Variants in PHIP observed in about 807,000 individuals in gnomAD.
The protein encoded by PHIP is PHIP subunit of CUL4-Ring ligase complex, also known as PH-interacting protein.
A neutral mutation model predicts 236.8 loss-of-function variants in PHIP; 54 were observed. That is an observed-to-expected ratio of 0.23 (90% CI 0.18 to 0.29). The LOEUF (loss-of-function observed/expected upper bound fraction) is 0.29, where lower values mean the gene tolerates loss of function less well. Ranked by LOEUF, PHIP falls within the 10% of genes least tolerant of loss-of-function variation. PHIP has a pLI of 1.00. For synonymous variants in PHIP, 756 were observed against 718.9 expected (o/e 1.05, Z -0.83); for missense variants, 1,370 against 2,190.8 (o/e 0.63, Z 7.48).
In PHIP at chr6:78,978,708, A is replaced by T; in HGVS notation, c.2773T>A (p.Leu925Met). 1 of 1,594,062 alleles carries T rather than the reference A, an allele frequency of 6.3e-7. No homozygotes were observed. The highest frequency in any genetic ancestry group is 8.6e-7 in the Non-Finnish European group (1 of 1,166,274). The part of the protein sequence containing the change: ...KKPKERKQKR[L>M]AVGELTENGL... ...TTTTCAGTTAGTTCTCCCACAGCCA[A>T]TCTCTGACAAAATTTAAGTAATAAT... Residue 925 changes from leucine (L) to methionine (M), a missense_variant, in exon 24 of 40, where the codon TTG (leucine) becomes ATG (methionine). Around this residue, in one of 14 missense-constraint regions of PHIP, gnomAD observed 76 missense variants for 76.4 expected, o/e 0.99. Transcript: ENST00000275034.
At chr6:79,063,021 T>C (rs1582309718) in intron 4 of PHIP, among the ~76,000 whole-genome samples, 1 of 152,194 alleles carries the variant, frequency 6.6e-6, no homozygotes, top group Non-Finnish European at 1.5e-5. Flanking sequence ...TTAATTGTTC[T>C]TAATATATTT....
intron 13 of PHIP, 55 bp downstream of exon 13, chr6:79,016,489 A>G: frequency 8.9e-7 from 1 of 1,129,652 alleles, no homozygotes; most frequent in Middle Eastern, 2.0e-4. Flanking sequence ...AACCTGCACT[A>G]TAACATACTT....
intron 23 of PHIP, among the ~76,000 whole-genome samples, chr6:78,979,560 A>G (rs894051924): frequency 2.0e-5 from 3 of 152,090 alleles, no homozygotes; most frequent in African/African-American, 7.2e-5. Context: ...ATGAGAAACT[A>G]TGCCTCTGAG....
intron 26 of PHIP, 49 bp downstream of exon 26, chr6:78,970,000 A>T (rs1261120692): frequency 6.2e-7 from 1 of 1,602,440 alleles, no homozygotes; most frequent in South Asian, 1.1e-5. Context: ...AATCTTGAAA[A>T]ACAATCTACA....
At chr6:79,070,332 A>G (rs1019116907) in intron 4 of PHIP, among the ~76,000 whole-genome samples, 1 of 152,228 alleles carries the variant, frequency 6.6e-6, no homozygotes, top group African/African-American at 2.4e-5. Flanking sequence ...TGCTTATACT[A>G]AGGCCAATGT....
rs1773294573 is a variant in PHIP at position 78,936,981 on chromosome 6, G to A, written c.*3712C>T. The A allele has an allele frequency of 6.6e-6, 1 of 151,788 alleles. No homozygotes were observed. Among genetic ancestry groups the A allele is most frequent in the African/African-American group, 2.4e-5 (1 of 41,420 alleles). The allele number at this position is 151,788 out of a possible 1,614,324, so 9.4% of individuals were successfully genotyped here. A position where few individuals can be genotyped will look rare whatever the true frequency, so the allele number is the denominator to read the frequency against. ...TGGGAAAATAAATTCTTGCCTAAGT[G>A]TAACAAAACCACTGCTCAATCTGTT... On this transcript the variant is annotated 3_prime_UTR_variant, in exon 40 of 40. Transcript: ENST00000275034.
intron 7 of PHIP, among the ~76,000 whole-genome samples, chr6:79,037,186 A>C (rs1771982917): frequency 2.6e-5 from 4 of 152,124 alleles, no homozygotes; most frequent in Admixed American, 2.6e-4. Context: ...GACATGTCTC[A>C]TCAGGCTCCT....
chr6:79,049,761 C>T (rs773540207), intron 6 of PHIP, among the ~76,000 whole-genome samples: 14 of 152,124 alleles, frequency 9.2e-5, no homozygotes, highest in African/African-American at 1.7e-4. Flanking sequence ...CATGACTAGA[C>T]ATCAGAGAGT....
intron 7 of PHIP, among the ~76,000 whole-genome samples, chr6:79,039,943 T>C (rs1328984083): frequency 6.6e-6 from 1 of 152,128 alleles, no homozygotes; most frequent in African/African-American, 2.4e-5. Context: ...TAAAATACTG[T>C]CATACAAAAT....
chr6:79,070,928 C>T (rs1055300989), intron 4 of PHIP, among the ~76,000 whole-genome samples: 4 of 152,056 alleles, frequency 2.6e-5, no homozygotes, highest in Non-Finnish European at 5.9e-5. Context: ...ATAAGGAAGG[C>T]CTGCTGTACA....
At chr6:79,017,727 A>T (rs1198284702) in intron 10 of PHIP, 144 bp from the exon 11 acceptor site, 2 of 581,052 alleles carry the variant, frequency 3.4e-6, no homozygotes, top group African/African-American at 3.8e-5. Context: ...CTAAATATAT[A>T]ACACATCTAA....
chr6:79,035,683 GA>G (rs1344193725), intron 7 of PHIP, among the ~76,000 whole-genome samples: 1 of 152,092 alleles, frequency 6.6e-6, no homozygotes, highest in East Asian at 1.9e-4. Flanking sequence ...ATAAGCAGTA[GA>G]AATGAATGCC....
chr6:78,970,938 C>T, intron 24 of PHIP, 50 bp from the exon 25 acceptor site: 1 of 1,226,618 alleles, frequency 8.2e-7, no homozygotes, highest in Non-Finnish European at 1.2e-6. Flanking sequence ...TCCTTTAATC[C>T]AATATACAGG....
Position 78,958,477 on chromosome 6 carries a change from T to C in PHIP, c.3780A>G (p.Ile1260Met). 1 of 1,499,410 alleles carries C rather than the reference T, an allele frequency of 6.7e-7. No homozygotes were observed. 92.9% of individuals were successfully genotyped at this position (1,499,410 alleles called of 1,614,324 possible). ...KFVTDLLLHF[I>M]KDQTCYNIIP... ...TTACATATGAAAAGATAACTTACTT[T>C]ATAAAATGTAGAAGAAGATCAGTCA... The change falls in exon 32 of 40, where the codon ATA becomes ATG. Residue 1260 changes from isoleucine (I) to methionine (M), a missense_variant and splice_region_variant. Coordinates refer to ENST00000275034, the MANE Select transcript of PHIP (RefSeq NM_017934.7).
chr6:78,986,437 A>C (rs1768873498), intron 21 of PHIP, among the ~76,000 whole-genome samples: 1 of 152,242 alleles, frequency 6.6e-6, no homozygotes, highest in Admixed American at 6.5e-5. Context: ...AACTATTCTA[A>C]GCACTTTGTA....
In PHIP at chr6:78,940,666, T is replaced by A; in HGVS notation, c.*27A>T. The A allele has an allele frequency of 6.5e-7, 1 of 1,532,190 alleles. No homozygotes were observed. Among genetic ancestry groups the A allele is most frequent in the Non-Finnish European group, 8.9e-7 (1 of 1,120,170 alleles). 94.9% of individuals were successfully genotyped at this position (1,532,190 alleles called of 1,614,324 possible). A position where few individuals can be genotyped will look rare whatever the true frequency, so the allele number is the denominator to read the frequency against. ...TCCTTAACTGTACCTGCTTTATAGA[T>A]TTTGAAGTAAAATATTTTGGTACAA... On this transcript the variant is annotated 3_prime_UTR_variant, in exon 40 of 40. Transcript: ENST00000275034.
chr6:79,020,039 A>G (rs759122628), intron 9 of PHIP, among the ~76,000 whole-genome samples: 1 of 152,284 alleles, frequency 6.6e-6, no homozygotes, highest in East Asian at 1.9e-4. Flanking sequence ...TTAAGCCTAT[A>G]TAACTTTCAC....
At chr6:79,038,415 C>G (rs774140916) in intron 7 of PHIP, among the ~76,000 whole-genome samples, 3 of 152,208 alleles carry the variant, frequency 2.0e-5, no homozygotes, top group Non-Finnish European at 4.4e-5. Flanking sequence ...GCCCTCACCT[C>G]TTAATGCTAC....
At chr6:78,973,940 C>G (rs988840398) in intron 24 of PHIP, among the ~76,000 whole-genome samples, 2 of 151,874 alleles carry the variant, frequency 1.3e-5, no homozygotes, top group Non-Finnish European at 2.9e-5. Flanking sequence ...GACTTTAACA[C>G]CCCACTGTCA....
Sources: gnomAD v4.1 joint callset for allele counts (sites outside exome capture counted in the v4.1 genomes callset) on GRCh38, gnomAD v4.1.1 for gene constraint, gnomAD v4.1.1 regional missense constraint, MANE v1.5 for transcripts, NCBI Gene and HGNC (gene_info 2026-07-23, HGNC 2026-07-21) for gene names.